The following PRKCD variants were observed in gnomAD, a reference collection of about 807,000 sequenced individuals.
PRKCD encodes protein kinase C delta, also known as protein kinase C delta type.
Under a neutral mutation model 82.2 loss-of-function variants are expected in PRKCD, and 20 were observed. That is an observed-to-expected ratio of 0.24 (90% CI 0.17 to 0.35). The LOEUF is 0.35. PRKCD is among the 10% of genes least tolerant of loss of function. The pLI is 1.00. For missense variants in PRKCD, 607 were observed against 899.0 expected (o/e 0.68, Z 4.15); for synonymous variants, 317 against 337.0 (o/e 0.94, Z 0.65).
rs781880894 is a variant in PRKCD at position 53,181,260 on chromosome 3, G to A, written c.369G>A (p.Glu123=). Residue 123 remains glutamate, a synonymous_variant, in exon 5 of 19, where the codon GAG becomes GAA. Transcript: ENST00000330452. ...TGATGTCTGTTCAGTATTTCCTGGAGGACGTGGGTAAGAACTCCCTGGGGG... is the reference window on the plus strand; with the variant it reads ...TGATGTCTGTTCAGTATTTCCTGGAAGACGTGGGTAAGAACTCCCTGGGGG... ...KVLMSVQYFL[E]DVDCKQSMRS... The A allele has an allele frequency of 6.2e-7, 1 of 1,613,892 alleles. No individual in the cohort carries two copies. The highest frequency in any genetic ancestry group is 1.1e-5 in the South Asian group (1 of 91,054).
At chr3:53,167,124 C>G (rs571963460) in intron 2 of PRKCD, among the ~76,000 whole-genome samples, 66 of 152,340 alleles carry the variant, frequency 4.3e-4, no homozygotes, top group Non-Finnish European at 6.0e-4. Flanking sequence ...CCCATCTGTT[C>G]AAGGCGTTTC....
chr3:53,187,429 C>T lies in PRKCD; in HGVS notation c.1415+27C>T, dbSNP rs781844152. 1.2e-5 allele frequency: 19 copies of T among 1,611,410 alleles called. No individual in the cohort carries two copies. In the South Asian group the frequency reaches 2.1e-4, roughly 18 times the overall value. ...TGCGGGGGTGAGGGCAGCGGGGGCT[C>T]TTGGGAGGGGAGGCTCCAGCCCCAT... On this transcript the variant is annotated intron_variant, in intron 15 of 18. Coordinates refer to ENST00000330452, the MANE Select transcript of PRKCD (RefSeq NM_006254.4).
At chr3:53,185,741 C>T (rs782234734) in intron 11 of PRKCD, 41 bp downstream of exon 11, 1 of 1,595,086 alleles carries the variant, frequency 6.3e-7, no homozygotes, top group South Asian at 1.1e-5. Context: ...TTTTATTCCC[C>T]CTGAGGCCAA....
Position 53,179,592 on chromosome 3 carries a change from T to G in PRKCD, c.131T>G (p.Leu44Arg). The change falls in exon 4 of 19, where the codon CTG becomes CGG. Residue 44 changes from leucine (L) to arginine (R), a missense_variant. Physicochemically the swap from Leu to Arg is moderately radical, Grantham distance 102 (BLOSUM62 -2). Transcript: ENST00000330452. Reference sequence around the variant, plus strand: ...CTTGTTGCAGAGCGTGGGAAAACACTGGTGCAGAAGAAGCCGACCATGTAT... The same window carrying G: ...CTTGTTGCAGAGCGTGGGAAAACACGGGTGCAGAAGAAGCCGACCATGTAT... ...EALSTERGKT[L>R]VQKKPTMYPE... 2 of 1,614,150 alleles carry G rather than the reference T, an allele frequency of 1.2e-6. No individual in the cohort carries two copies. Among genetic ancestry groups the G allele is most frequent in the Non-Finnish European group, 1.7e-6 (2 of 1,180,010 alleles).
At chr3:53,179,197 G>A (rs1330823479) in intron 3 of PRKCD, among the ~76,000 whole-genome samples, 5 of 152,182 alleles carry the variant, frequency 3.3e-5, no homozygotes, top group African/African-American at 1.2e-4. Context: ...TGGTGCATTC[G>A]CCACCCGGGC....
intron 2 of PRKCD, among the ~76,000 whole-genome samples, chr3:53,175,538 G>A (rs1553665732): frequency 1.3e-5 from 2 of 152,256 alleles, no homozygotes; most frequent in Admixed American, 6.5e-5. Context: ...CCAAGGCAAC[G>A]TTGGTGTCAG....
intron 3 of PRKCD, 45 bp downstream of exon 3, chr3:53,178,582 C>G: frequency 6.5e-7 from 1 of 1,541,638 alleles, no homozygotes; most frequent in South Asian, 1.2e-5. Context: ...GGAATCTGGG[C>G]CCAGCTGGAA....
At position 53,181,556 on chromosome 3, in the gene PRKCD, C is replaced by T. The variant is rs1553667537; in HGVS notation, c.489C>T (p.Ala163=). The T allele has an allele frequency of 6.2e-7, 1 of 1,614,118 alleles. No homozygotes were observed. The highest frequency in any genetic ancestry group is 2.2e-5 in the East Asian group (1 of 44,898). ...IHYIKNHEFI[A]TFFGQPTFCS... ...ACATCAAGAACCATGAGTTTATCGCCACCTTCTTTGGGCAACCCACCTTCT... is the reference window on the plus strand; with the variant it reads ...ACATCAAGAACCATGAGTTTATCGCTACCTTCTTTGGGCAACCCACCTTCT... Residue 163 remains alanine (A), a synonymous_variant, in exon 6 of 19, where the codon GCC becomes GCT. Coordinates refer to ENST00000330452, the MANE Select transcript of PRKCD (RefSeq NM_006254.4).
intron 7 of PRKCD, among the ~76,000 whole-genome samples, chr3:53,182,759 T>C (rs1703494042): frequency 6.6e-6 from 1 of 152,176 alleles, no homozygotes; most frequent in African/African-American, 2.4e-5. Flanking sequence ...TCCATGTGCA[T>C]GTGTAAGAGA....
intron 7 of PRKCD, 53 bp from the exon 8 acceptor site, chr3:53,183,066 ACT>A (rs1703511234): frequency 6.3e-7 from 1 of 1,578,442 alleles, no homozygotes; most frequent in African/African-American, 1.3e-5. Context: ...CAGCTCATAG[ACT>A]CTGCCCCTCC....
chr3:53,163,912 CAG>C (rs1478810572), intron 1 of PRKCD, among the ~76,000 whole-genome samples: 5 of 152,204 alleles, frequency 3.3e-5, no homozygotes, highest in East Asian at 1.9e-4. Flanking sequence ...ATGGGGGAGA[CAG>C]GGGTGGGGGA....
At chr3:53,185,761 A>T (rs1559628878) in intron 11 of PRKCD, 61 bp downstream of exon 11, 2 of 1,561,786 alleles carry the variant, frequency 1.3e-6, no homozygotes, top group Non-Finnish European at 1.8e-6. Context: ...AAGAAAGGGG[A>T]CTGTCCTCCC....
intron 2 of PRKCD, among the ~76,000 whole-genome samples, chr3:53,166,069 C>T (rs1054539715): frequency 5.9e-5 from 9 of 152,166 alleles, no homozygotes; most frequent in Non-Finnish European, 1.0e-4. Flanking sequence ...CAGGAGTGCT[C>T]CCTGAGCAGA....
intron 1 of PRKCD, among the ~76,000 whole-genome samples, chr3:53,163,048 G>C (rs1439294735): frequency 1.3e-5 from 2 of 151,514 alleles, no homozygotes; most frequent in Non-Finnish European, 2.9e-5. Flanking sequence ...GCAGAGGGAG[G>C]CTGTATGGTG....
In PRKCD at chr3:53,165,290, T is replaced by C. The variant is rs369144758; in HGVS notation, c.-20+75T>C. The C allele has an allele frequency of 7.2e-5, 11 of 152,768 alleles. No homozygotes were observed. The East Asian group carries it at 1.2e-3, about 16-fold the overall frequency. The allele number at this position is 152,768 out of a possible 1,614,324, so 9.5% of individuals were successfully genotyped here. On this transcript the variant is annotated intron_variant, in intron 2 of 18. Transcript: ENST00000330452. ...CCTCTCTGGCCTCTTTGTCCTTTGC[T>C]GTGGAACTGGATGGGGTTGGGCATG...
Position 53,187,350 on chromosome 3 carries a change from G to A in PRKCD, c.1363G>A (p.Ala455Thr), listed in dbSNP as rs782660507. 3 of 1,614,014 alleles carry A rather than the reference G, an allele frequency of 1.9e-6. No individual in the cohort carries two copies. Among genetic ancestry groups the A allele is most frequent in the South Asian group, 1.1e-5 (1 of 91,094 alleles). ...FELYRATFYA[A>T]EIMCGLQFLH... ...CTCTCTCTTGCCCAGGTTTTATGCC[G>A]CTGAGATAATGTGTGGACTGCAGTT... Residue 455 changes from alanine (A) to threonine (T), a missense_variant, in exon 15 of 19, where the codon GCT (alanine) becomes ACT (threonine). By Grantham distance (58) the Ala-to-Thr change is moderately conservative. Around this residue, in one of 5 missense-constraint regions of PRKCD, gnomAD observed 251 missense variants for 423.9 expected, o/e 0.59. Coordinates refer to ENST00000330452, the MANE Select transcript of PRKCD (RefSeq NM_006254.4).
rs1288661329 is a variant in PRKCD at position 53,169,841 on chromosome 3, G to A, written c.-20+4626G>A. On this transcript the variant is annotated intron_variant, in intron 2 of 18. Coordinates refer to ENST00000330452, the MANE Select transcript of PRKCD (RefSeq NM_006254.4). This position sits in a 1 kb window ranked among gnomAD's most constrained non-coding sequence, Gnocchi z 4.7. ...GCCTCTTTTCCCACTTTCCAAGGAA[G>A]TCTGGAAGACACCAGAGCACTTGGG... 1.3e-5 allele frequency among the ~76,000 whole-genome samples: 2 copies of A among 152,218 alleles called. No individual in the cohort carries two copies. The highest frequency in any genetic ancestry group is 1.3e-4 in the Admixed American group (2 of 15,288).
chr3:53,170,285 C>T (rs1702974073), intron 2 of PRKCD, among the ~76,000 whole-genome samples: 1 of 152,248 alleles, frequency 6.6e-6, no homozygotes, highest in African/African-American at 2.4e-5. Context: ...GAAGTTCTCT[C>T]CCCACTTCCC....
chr3:53,182,146 GTA>G (rs1220180427), intron 7 of PRKCD, among the ~76,000 whole-genome samples: 1 of 152,210 alleles, frequency 6.6e-6, no homozygotes, highest in Non-Finnish European at 1.5e-5. Context: ...CCCTGAGGGT[GTA>G]TACACGAGGC....
Sources: gnomAD v4.1 joint callset for allele counts (sites outside exome capture counted in the v4.1 genomes callset) on GRCh38, gnomAD v4.1.1 for gene constraint, gnomAD v4.1.1 regional missense constraint, Gnocchi (gnomAD v3.1) non-coding constraint, MANE v1.5 for transcripts, NCBI Gene and HGNC (gene_info 2026-07-23, HGNC 2026-07-21) for gene names.